The following GLI2 variants were observed in gnomAD, a reference collection of about 807,000 sequenced individuals.
GLI2 encodes the protein GLI family zinc finger 2.
GLI2 carries 22 observed loss-of-function variants against 78.9 expected under a neutral mutation model. The ratio of observed to expected loss-of-function variants is 0.28; its 90% CI spans 0.20 to 0.40. GLI2 has a LOEUF of 0.40. Among genes scored for constraint, GLI2 ranks in the 10% least tolerant of loss-of-function variants. The pLI is 1.00. For missense variants in GLI2, 2,097 were observed against 2,213.2 expected, an observed-to-expected ratio of 0.95 and a Z score of 1.05; for synonymous variants, 974 against 963.7, an observed-to-expected ratio of 1.01 and a Z score of -0.20.
At chr2:120,766,218 G>A (rs1683362134) in intron 1 of GLI2, among the ~76,000 whole-genome samples, 1 of 152,226 alleles carries the variant, frequency 6.6e-6, no homozygotes, top group Admixed American at 6.5e-5. Flanking sequence ...CAGCTGTGGC[G>A]CCTCAGTTTG....
chr2:120,923,805 G>A lies in GLI2; in HGVS notation c.149-3556G>A, dbSNP rs115504895. Reference sequence around the variant, plus strand: ...ACACACATATACATACCCCACACACGCTACATGTAGACACATACCACACAC... The same window carrying A: ...ACACACATATACATACCCCACACACACTACATGTAGACACATACCACACAC... On this transcript the variant is annotated intron_variant, in intron 2 of 13. Transcript: ENST00000361492. 6.6e-3 allele frequency among the ~76,000 whole-genome samples: 1,000 copies of A among 151,724 alleles called. 14 individuals are homozygous for A. The highest frequency in any genetic ancestry group is 0.023 in the African/African-American group (957 of 41,380).
At chr2:120,982,537 T>G (rs1234457995) in intron 10 of GLI2, among the ~76,000 whole-genome samples, 179 bp from the exon 11 acceptor site, 1 of 152,106 alleles carries the variant, frequency 6.6e-6, no homozygotes, top group African/African-American at 2.4e-5. Flanking sequence ...ATTTTTCTCT[T>G]TGTACCTTTC....
At chr2:120,986,680 G>T (rs765231854) in intron 13 of GLI2, 66 bp downstream of exon 13, 13 of 1,302,730 alleles carry the variant, frequency 1.0e-5, no homozygotes, top group Non-Finnish European at 1.4e-5. Context: ...AACTAGGCTG[G>T]CACCCACCAA....
chr2:120,984,625 A>T lies in GLI2; in HGVS notation c.1787A>T (p.Asn596Ile). 1.9e-6 allele frequency: 3 copies of T among 1,614,192 alleles called. No homozygotes were observed. Among genetic ancestry groups the T allele is most frequent in the Non-Finnish European group, 2.5e-6 (3 of 1,180,018 alleles). Residue 596 changes from asparagine (N) to isoleucine (I), a missense_variant, in exon 12 of 14, where the codon AAT (asparagine) becomes ATT (isoleucine). This residue lies in a region of GLI2 where 57 missense variants were observed against 44.5 expected (regional missense o/e 1.28). Coordinates refer to ENST00000361492, the MANE Select transcript of GLI2 (RefSeq NM_001374353.1). ...VHLRTPLLKE[N>I]GDSEAGTEPG... ...CTCCGCACACCGCTGCTCAAAGAGA[A>T]TGGGGACAGTGAGGCCGGCACGGAG...
intron 2 of GLI2, among the ~76,000 whole-genome samples, chr2:120,918,145 A>G (rs149924614): frequency 1.0e-3 from 156 of 152,342 alleles, no homozygotes; most frequent in Admixed American, 2.0e-3. Context: ...AGACAGCTGC[A>G]GAGCTGGGCT....
At position 120,986,528 on chromosome 2, in the gene GLI2, A is replaced by G. The variant is rs777912692; in HGVS notation, c.2156A>G (p.Lys719Arg). Residue 719 changes from lysine to arginine, a missense_variant, in exon 13 of 14, where the codon AAG becomes AGG. Physicochemically the swap from Lys to Arg is conservative, Grantham distance 26. Transcript: ENST00000361492. ...CGGTTCGAGCAGCTCAAGAAGGAGAAGCTCAAGTCACTCAAGGATTCCTGC... is the reference window on the plus strand; with the variant it reads ...CGGTTCGAGCAGCTCAAGAAGGAGAGGCTCAAGTCACTCAAGGATTCCTGC... ...MHRFEQLKKE[K>R]LKSLKDSCSW... 6.2e-7 allele frequency: 1 copy of G among 1,614,150 alleles called. No individual in the cohort carries two copies.
chr2:120,942,090 C>A (rs753151425), intron 3 of GLI2, among the ~76,000 whole-genome samples: 1 of 152,184 alleles, frequency 6.6e-6, no homozygotes, highest in Non-Finnish European at 1.5e-5. Context: ...CTCAGAAGAA[C>A]GATGGCACTA....
At chr2:120,788,159 G>T (rs1684050318) in intron 1 of GLI2, among the ~76,000 whole-genome samples, 1 of 152,254 alleles carries the variant, frequency 6.6e-6, no homozygotes, top group Non-Finnish European at 1.5e-5. Context: ...CTTGTCGACA[G>T]TTCCTGACAG....
chr2:120,880,431 C>T (rs1677060420), intron 2 of GLI2, among the ~76,000 whole-genome samples: 1 of 152,152 alleles, frequency 6.6e-6, no homozygotes, highest in African/African-American at 2.4e-5. Context: ...AATCCCATTG[C>T]CTGAAGTCCC....
intron 1 of GLI2, among the ~76,000 whole-genome samples, chr2:120,777,966 T>C (rs1683731686): frequency 6.6e-6 from 1 of 151,998 alleles, no homozygotes; most frequent in South Asian, 2.1e-4. Context: ...TGGGAGGCCA[T>C]GGGGGGCAGG....
Position 120,789,009 on chromosome 2 carries a change from G to A in GLI2, c.-30-8282G>A, listed in dbSNP as rs560811303. Among the ~76,000 whole-genome samples the A allele has an allele frequency of 2.0e-5, 3 of 151,548 alleles. No individual in the cohort carries two copies. The South Asian group carries it at 6.3e-4, about 32-fold the overall frequency. Reference sequence around the variant, plus strand: ...AGCCCCTATGGTTCCCCTTCAATCTGGCTTATCACTTATTTCTTTCTTTCT... The same window carrying A: ...AGCCCCTATGGTTCCCCTTCAATCTAGCTTATCACTTATTTCTTTCTTTCT... On this transcript the variant is annotated intron_variant, in intron 1 of 13. Coordinates refer to ENST00000361492, the MANE Select transcript of GLI2 (RefSeq NM_001374353.1).
intron 2 of GLI2, among the ~76,000 whole-genome samples, chr2:120,914,319 C>T (rs576747535): frequency 2.6e-5 from 4 of 152,354 alleles, no homozygotes; most frequent in Admixed American, 2.6e-4. Flanking sequence ...GGAAGGAGCA[C>T]TAGGGCCTGG....
chr2:120,745,736 C>T (rs1026074463), intron 1 of GLI2, among the ~76,000 whole-genome samples: 1 of 152,210 alleles, frequency 6.6e-6, no homozygotes, highest in African/African-American at 2.4e-5. Context: ...CATGGAAGAA[C>T]ACACTGGAAA....
At chr2:120,738,469 C>T (rs1294843171) in intron 1 of GLI2, among the ~76,000 whole-genome samples, 2 of 152,190 alleles carry the variant, frequency 1.3e-5, no homozygotes, top group East Asian at 3.9e-4. Context: ...ATTTTCTCCT[C>T]TGCTTCGAGA....
intron 1 of GLI2, among the ~76,000 whole-genome samples, chr2:120,789,037 T>C (rs1277613276): frequency 2.8e-5 from 4 of 144,764 alleles, no homozygotes; most frequent in South Asian, 2.1e-4. Context: ...TTCTTTCTTT[T>C]TTTTTTTTTT....
In GLI2 at chr2:120,989,679, C is replaced by A. The variant is rs1216743068; in HGVS notation, c.3714C>A (p.Ser1238Arg). ...ACYGQVHPQL[S>R]PSTISGALNQ... ...ATGGCCAAGTCCACCCCCAGCTGAG[C>A]CCCAGCACCATCAGTGGGGCCCTCA... The change falls in exon 14 of 14, where the codon AGC (serine) becomes AGA (arginine). Residue 1238 changes from serine (S) to arginine (R), a missense_variant. Around this residue, in one of 5 missense-constraint regions of GLI2, gnomAD observed 1,290 missense variants for 1,261.7 expected, o/e 1.02. Transcript: ENST00000361492. 3 of 1,613,304 alleles carry A rather than the reference C, an allele frequency of 1.9e-6. No homozygotes were observed. In the East Asian group the frequency reaches 6.7e-5, roughly 36 times the overall value.
At chr2:120,928,151 C>T (rs935636784) in intron 3 of GLI2, among the ~76,000 whole-genome samples, 1 of 152,140 alleles carries the variant, frequency 6.6e-6, no homozygotes, top group Non-Finnish European at 1.5e-5. Context: ...TACCCCCAAA[C>T]TCTCCACTGC....
In GLI2 at chr2:120,845,622, C is replaced by A. The variant is rs547584278; in HGVS notation, c.148+48154C>A. Among the ~76,000 whole-genome samples the A allele has an allele frequency of 4.0e-4, 61 of 152,282 alleles. No individual in the cohort carries two copies. The East Asian group carries it at 9.9e-3, about 25-fold the overall frequency. On this transcript the variant is annotated intron_variant, in intron 2 of 13. Coordinates refer to ENST00000361492, the MANE Select transcript of GLI2 (RefSeq NM_001374353.1). The stretch of plus-strand genomic sequence containing the variant: ...CCTGGAAAGCAAACGGCACAGCAGT[C>A]GGGAGCCCCGGTCAGCTTCTTGTGC...
At chr2:120,838,447 A>T (rs1686716291) in intron 2 of GLI2, among the ~76,000 whole-genome samples, 1 of 152,198 alleles carries the variant, frequency 6.6e-6, no homozygotes, top group Non-Finnish European at 1.5e-5. Flanking sequence ...ACAAATGGTG[A>T]TAGCTTTTTC....
Sources: gnomAD v4.1 joint callset for allele counts (sites outside exome capture counted in the v4.1 genomes callset) on GRCh38, gnomAD v4.1.1 for gene constraint, gnomAD v4.1.1 regional missense constraint, MANE v1.5 for transcripts, NCBI Gene and HGNC (gene_info 2026-07-23, HGNC 2026-07-21) for gene names.